Variants in SIL1 observed in about 807,000 individuals in gnomAD.
The protein encoded by SIL1 is SIL1 nucleotide exchange factor.
A neutral mutation model predicts 49.1 loss-of-function variants in SIL1; 40 were observed. That is an observed-to-expected ratio of 0.81 (90% CI 0.63 to 1.06). The LOEUF is 1.06. Among genes scored for constraint, SIL1 ranks in the 50% least tolerant of loss-of-function variants. The probability of loss-of-function intolerance (pLI) is 0.00; values close to 1 mark genes in which losing one functional copy is unlikely to be tolerated. For missense variants in SIL1, 500 were observed against 572.6 expected, an observed-to-expected ratio of 0.87 and a Z score of 1.29; for synonymous variants, 253 against 250.8, an observed-to-expected ratio of 1.01 and a Z score of -0.08.
chr5:138,961,757 C>T (rs1033406991), intron 7 of SIL1, among the ~76,000 whole-genome samples: 2 of 152,144 alleles, frequency 1.3e-5, no homozygotes, highest in African/African-American at 2.4e-5. Flanking sequence ...GCAGTAATCA[C>T]TCGTGACTCT....
chr5:139,047,512 A>G (rs974237857), intron 4 of SIL1, among the ~76,000 whole-genome samples: 6 of 152,234 alleles, frequency 3.9e-5, no homozygotes, highest in African/African-American at 9.6e-5. Context: ...CTCTAGGCCA[A>G]TGGTTCTTAA....
intron 3 of SIL1, among the ~76,000 whole-genome samples, chr5:139,116,423 C>T (rs1561868388): frequency 6.6e-6 from 1 of 152,170 alleles, no homozygotes; most frequent in Non-Finnish European, 1.5e-5. Flanking sequence ...CTCACAGCCG[C>T]CTGGAGTCAG....
chr5:139,018,836 A>G (rs1296863495), intron 7 of SIL1, among the ~76,000 whole-genome samples: 1 of 152,048 alleles, frequency 6.6e-6, no homozygotes, highest in Admixed American at 6.6e-5. Context: ...TTTGATACTC[A>G]CTCAATTTTA....
At chr5:138,956,684 A>G (rs1382941899) in intron 7 of SIL1, among the ~76,000 whole-genome samples, 2 of 151,886 alleles carry the variant, frequency 1.3e-5, no homozygotes, top group Admixed American at 1.3e-4. Flanking sequence ...TAGAGGTTTC[A>G]GTGAGCTGAG....
chr5:139,152,151 C>G (rs768638053), intron 1 of SIL1, among the ~76,000 whole-genome samples: 3 of 152,206 alleles, frequency 2.0e-5, no homozygotes, highest in Non-Finnish European at 2.9e-5. Context: ...CGTCTAAGAT[C>G]AAACACCAGG....
chr5:138,998,211 A>G (rs1164463328), intron 7 of SIL1, among the ~76,000 whole-genome samples: 1 of 151,956 alleles, frequency 6.6e-6, no homozygotes, highest in African/African-American at 2.4e-5. Context: ...GCAGGGTCTC[A>G]CTCTGTTACT....
At chr5:139,193,790 A>G (rs1241732836) in intron 1 of SIL1, among the ~76,000 whole-genome samples, 1 of 152,194 alleles carries the variant, frequency 6.6e-6, no homozygotes, top group Non-Finnish European at 1.5e-5. Flanking sequence ...AAAGTCCCAC[A>G]TACGGATATC....
chr5:138,970,538 C>T lies in SIL1; in HGVS notation c.768-18654G>A, dbSNP rs565938065. On this transcript the variant is annotated intron_variant, in intron 7 of 9. Transcript: ENST00000394817. The stretch of plus-strand genomic sequence containing the variant: ...TGTACTGGGTCCCATTATGAAGAGG[C>T]ATGACAAAGGTAAAAAGCACAGCTG... Among the ~76,000 whole-genome samples the T allele has an allele frequency of 2.0e-5, 3 of 152,236 alleles. No individual in the cohort carries two copies. The South Asian group carries it at 6.2e-4, about 32-fold the overall frequency.
chr5:139,047,075 G>A (rs1415291243), intron 4 of SIL1, among the ~76,000 whole-genome samples: 2 of 152,140 alleles, frequency 1.3e-5, no homozygotes, highest in Non-Finnish European at 2.9e-5. Flanking sequence ...CCTGTCCTTA[G>A]CCCAACCTTT....
intron 7 of SIL1, among the ~76,000 whole-genome samples, chr5:138,969,263 G>GCA (rs1463406805): frequency 6.6e-6 from 1 of 152,138 alleles, no homozygotes; most frequent in East Asian, 1.9e-4. Flanking sequence ...TTAGGATTAG[G>GCA]CACCGCCTGC....
intron 4 of SIL1, among the ~76,000 whole-genome samples, chr5:139,049,487 T>A (rs1198903583): frequency 6.6e-6 from 1 of 150,592 alleles, no homozygotes; most frequent in Non-Finnish European, 1.5e-5. Flanking sequence ...TGCAAAATAC[T>A]GTTTAAATTA....
At chr5:139,013,274 G>C (rs1768324932) in intron 7 of SIL1, among the ~76,000 whole-genome samples, 1 of 152,146 alleles carries the variant, frequency 6.6e-6, no homozygotes, top group Non-Finnish European at 1.5e-5. Context: ...TTTTCAGAAG[G>C]CATGTCAGAC....
chr5:139,091,471 T>A (rs1770340751), intron 3 of SIL1, among the ~76,000 whole-genome samples: 2 of 152,228 alleles, frequency 1.3e-5, no homozygotes, highest in African/African-American at 4.8e-5. Context: ...TGTTCAACTT[T>A]GCTCATCACA....
rs537446754 is a variant in SIL1, at chr5:139,020,827, T to C, written c.767+344A>G. 1.2e-4 allele frequency among the ~76,000 whole-genome samples: 18 copies of C among 152,322 alleles called. No homozygotes were observed. The South Asian group carries it at 1.7e-3, about 14-fold the overall frequency. ...GGCTCATCATTTATTCGTCACTAGA[T>C]GTAGCTTTACTGCCAAAAGACCTAC... On this transcript the variant is annotated intron_variant, in intron 7 of 9. Coordinates refer to ENST00000394817, the MANE Select transcript of SIL1 (RefSeq NM_022464.5).
intron 3 of SIL1, among the ~76,000 whole-genome samples, chr5:139,087,532 G>A (rs1770250602): frequency 1.3e-5 from 2 of 152,088 alleles, no homozygotes; most frequent in South Asian, 4.2e-4. Flanking sequence ...GTGACAGAGC[G>A]AGACCCTATC....
intron 7 of SIL1, among the ~76,000 whole-genome samples, chr5:138,999,160 G>A (rs2150410665): frequency 6.6e-6 from 1 of 152,144 alleles, no homozygotes; most frequent in South Asian, 2.1e-4. Context: ...CCCGGCCGAG[G>A]ATTATCTTTC....
intron 1 of SIL1, among the ~76,000 whole-genome samples, chr5:139,158,166 T>C (rs1443463528): frequency 6.6e-6 from 1 of 152,204 alleles, no homozygotes; most frequent in African/African-American, 2.4e-5. Flanking sequence ...AGCTAATCAA[T>C]GGCAGAGCCA....
At chr5:139,085,597 G>A (rs893467768) in intron 3 of SIL1, among the ~76,000 whole-genome samples, 1 of 152,128 alleles carries the variant, frequency 6.6e-6, no homozygotes, top group Non-Finnish European at 1.5e-5. Context: ...GAAGGAAGGA[G>A]ATGCCCAAGT....
At chr5:139,019,440 G>A (rs1768469657) in intron 7 of SIL1, among the ~76,000 whole-genome samples, 1 of 152,142 alleles carries the variant, frequency 6.6e-6, no homozygotes, top group Non-Finnish European at 1.5e-5. Context: ...GCCCTCCAGT[G>A]AGCCATCAAA....
Sources: allele counts gnomAD v4.1 joint callset (sites outside exome capture counted in the v4.1 genomes callset), GRCh38; gene constraint gnomAD v4.1.1; transcripts MANE v1.5; gene names NCBI Gene and HGNC (gene_info 2026-07-23, HGNC 2026-07-21).